OSBPL5: variants seen among roughly 807,000 people sequenced by gnomAD.
OSBPL5 encodes the protein oxysterol-binding protein-related protein 5.
In OSBPL5, 71 loss-of-function variants were observed where a neutral mutation model predicts 111.2. The observed-to-expected ratio is 0.64, with a 90% CI of 0.53 to 0.78. The LOEUF (loss-of-function observed/expected upper bound fraction) is 0.78, where lower values mean the gene tolerates loss of function less well. Ranked by LOEUF, OSBPL5 falls within the 30% of genes least tolerant of loss-of-function variation. The pLI is 0.00. For synonymous variants in OSBPL5, 549 were observed against 513.9 expected, an observed-to-expected ratio of 1.07 and a Z score of -0.93; for missense variants, 1,210 against 1,189.3, an observed-to-expected ratio of 1.02 and a Z score of -0.26.
intron 14 of OSBPL5, among the ~76,000 whole-genome samples, chr11:3,096,250 ATTG>A (rs1857248488): frequency 6.6e-6 from 1 of 152,228 alleles, no homozygotes; most frequent in South Asian, 2.1e-4. Flanking sequence ...TATGAACCAG[ATTG>A]TAGACTCGAT....
rs1846112635 is a variant in OSBPL5 at position 3,141,468 on chromosome 11, A to T, written c.-21-12299T>A. 6.6e-6 allele frequency among the ~76,000 whole-genome samples: 1 copy of T among 152,054 alleles called. No individual in the cohort carries two copies. Among genetic ancestry groups the T allele is most frequent in the Non-Finnish European group, 1.5e-5 (1 of 67,978 alleles). On this transcript the variant is annotated intron_variant, in intron 1 of 21. Transcript: ENST00000263650. The surrounding 1 kb of genome is among the most constrained non-coding windows in gnomAD (Gnocchi z 6.5). ...AAGGGCCCCCAATCTGTCTCTCAGG[A>T]AATGGGGGGGGTCTCAAACAGAAGG...
intron 7 of OSBPL5, among the ~76,000 whole-genome samples, chr11:3,117,808 C>G (rs1195672006): frequency 1.3e-5 from 2 of 152,016 alleles, no homozygotes; most frequent in African/African-American, 4.8e-5. Flanking sequence ...TTCTTAAAGC[C>G]CTGCAAACTG....
At chr11:3,101,916 A>G (rs922267855) in intron 12 of OSBPL5, among the ~76,000 whole-genome samples, 5 of 152,166 alleles carry the variant, frequency 3.3e-5, no homozygotes, top group African/African-American at 1.2e-4. Context: ...TTGCCCCAGA[A>G]GTCCCCATCG....
Position 3,116,854 on chromosome 11 carries a change from C to CAAAAAAA in OSBPL5, c.691+2686_691+2692dup, listed in dbSNP as rs371907970. Reference sequence around the variant, plus strand: ...TGGGCAACAGAGTGAGACTCCATCACAAAAAAAAAAAAAAAAAAGAAGTGT... The same window carrying CAAAAAAA: ...TGGGCAACAGAGTGAGACTCCATCACAAAAAAAAAAAAAAAAAAAAAAAAAGAAGTGT... On this transcript the variant is annotated intron_variant, in intron 7 of 21. Coordinates refer to ENST00000263650, the MANE Select transcript of OSBPL5 (RefSeq NM_020896.4). Among the ~76,000 whole-genome samples, 652 of 75,420 alleles carry CAAAAAAA rather than the reference C, an allele frequency of 8.6e-3. 20 individuals carry two copies. The highest frequency in any genetic ancestry group is 0.011 in the Non-Finnish European group (382 of 35,750). 49.5% of individuals were successfully genotyped at this position (75,420 alleles called of 152,430 possible).
chr11:3,107,950 G>A lies in OSBPL5; in HGVS notation c.692-5C>T, dbSNP rs535556267. 20 of 1,591,876 alleles carry A rather than the reference G, an allele frequency of 1.3e-5. No homozygotes were observed. Among genetic ancestry groups the A allele is most frequent in the African/African-American group, 5.6e-5 (4 of 71,674 alleles). On this transcript the variant is annotated splice_polypyrimidine_tract_variant and splice_region_variant and intron_variant, in intron 7 of 21. Coordinates refer to ENST00000263650, the MANE Select transcript of OSBPL5 (RefSeq NM_020896.4). This position sits in a 1 kb window ranked among gnomAD's most constrained non-coding sequence, Gnocchi z 6.1. ...GGGCGTCCAGCCAGCAGCGACCTGCGGGGCACACGGGATGAGCATGCCCCA... is the reference window on the plus strand; with the variant it reads ...GGGCGTCCAGCCAGCAGCGACCTGCAGGGCACACGGGATGAGCATGCCCCA...
intron 7 of OSBPL5, among the ~76,000 whole-genome samples, chr11:3,117,981 T>C (rs1370876105): frequency 2.0e-5 from 3 of 152,224 alleles, no homozygotes; most frequent in Non-Finnish European, 2.9e-5. Context: ...GCCTTCCTCC[T>C]ACTATTTTCT....
Position 3,089,886 on chromosome 11 carries a change from C to T in OSBPL5, c.2461G>A (p.Ala821Thr). ...TGGGCCTCTCGGATGGAGAGGATGG[C>T]CTCGTGCAGGGCCTGCAGCCGCCGC... The part of the protein sequence containing the change: ...EARRLQALHE[A>T]ILSIREAQQE... Residue 821 changes from alanine to threonine, a missense_variant, in exon 21 of 22, where the codon GCC becomes ACC. Coordinates refer to ENST00000263650, the MANE Select transcript of OSBPL5 (RefSeq NM_020896.4). 2 of 1,565,458 alleles carry T rather than the reference C, an allele frequency of 1.3e-6. No homozygotes were observed. The highest frequency in any genetic ancestry group is 1.7e-6 in the Non-Finnish European group (2 of 1,155,746).
At chr11:3,139,244 CA>C (rs1846038408) in intron 1 of OSBPL5, among the ~76,000 whole-genome samples, 1 of 152,174 alleles carries the variant, frequency 6.6e-6, no homozygotes, top group East Asian at 1.9e-4. Context: ...AGCAGGTGGC[CA>C]CCGGCCAGCT....
intron 15 of OSBPL5, 35 bp from the exon 16 acceptor site, chr11:3,093,870 C>G (rs113189224): frequency 1.3e-6 from 2 of 1,590,520 alleles, no homozygotes; most frequent in African/African-American, 2.7e-5. Context: ...GCCCAGTGAG[C>G]GGGGGCTGGG....
chr11:3,143,005 C>A (rs1846178299), intron 1 of OSBPL5, among the ~76,000 whole-genome samples: 1 of 77,156 alleles, frequency 1.3e-5, no homozygotes, highest in Non-Finnish European at 2.7e-5. Context: ...GAGGCAGGTG[C>A]AGAGGGGGGC....
chr11:3,163,141 C>T (rs889899027), intron 1 of OSBPL5, among the ~76,000 whole-genome samples: 9 of 152,208 alleles, frequency 5.9e-5, no homozygotes, highest in Admixed American at 1.3e-4. Context: ...CAGGCCTCTC[C>T]GGGAGAACCC....
rs138015375 is a variant in OSBPL5, at chr11:3,092,509, C to T, written c.2182G>A (p.Gly728Arg). 31 of 1,583,544 alleles carry T rather than the reference C, an allele frequency of 2.0e-5. No homozygotes were observed. The East Asian group carries it at 2.1e-4, about 11-fold the overall frequency. Residue 728 changes from glycine to arginine, a missense_variant, in exon 19 of 22, where the codon GGG (glycine) becomes AGG (arginine). By Grantham distance (125) the Gly-to-Arg change is moderately radical. Coordinates refer to ENST00000263650, the MANE Select transcript of OSBPL5 (RefSeq NM_020896.4). The surrounding 1 kb of genome is among the most constrained non-coding windows in gnomAD (Gnocchi z 5.4). Reference protein sequence around the residue: ...LKDIAQFEQDGILRTLQQEAV... With the variant: ...LKDIAQFEQDRILRTLQQEAV... The stretch of plus-strand genomic sequence containing the variant: ...TCCTGCTGCAAGGTCCGCAGGATCC[C>T]GTCTTGCTCAAACTGGGCGATGTCC...
chr11:3,145,703 G>T (rs913438021), intron 1 of OSBPL5, among the ~76,000 whole-genome samples: 1 of 152,208 alleles, frequency 6.6e-6, no homozygotes, highest in Admixed American at 6.5e-5. Context: ...CAGGGCCAGC[G>T]AGGCATTTAC....
At chr11:3,158,971 G>A (rs78271686) in intron 1 of OSBPL5, among the ~76,000 whole-genome samples, 20,125 of 152,118 alleles carry the variant, frequency 0.13, 1,471 homozygotes, top group Middle Eastern at 0.18. Context: ...TGTCAGGGAT[G>A]GGGGTGCCTT....
chr11:3,138,620 C>T (rs867471731), intron 1 of OSBPL5, among the ~76,000 whole-genome samples: 2 of 152,340 alleles, frequency 1.3e-5, no homozygotes, highest in African/African-American at 4.8e-5. Context: ...GCTCGCCTGC[C>T]GTGCTGTGGG....
rs1174292485 is a variant in OSBPL5, at chr11:3,161,264, C to T, written c.-22+3952G>A. On this transcript the variant is annotated intron_variant, in intron 1 of 21. Transcript: ENST00000263650. This position sits in a 1 kb window ranked among gnomAD's most constrained non-coding sequence, Gnocchi z 8.0. ...TGGACCAGTTAAGTCCATCTGCATT[C>T]ACCAAACACACTATTAGGCATCCCG... is the stretch of plus-strand genomic sequence containing the variant. 1 of 152,242 alleles carries T rather than the reference C, an allele frequency of 6.6e-6. No homozygotes were observed. The highest frequency in any genetic ancestry group is 1.5e-5 in the Non-Finnish European group (1 of 68,042). 9.4% of individuals were successfully genotyped at this position (152,242 alleles called of 1,614,324 possible).
chr11:3,147,605 TC>T (rs1256115782), intron 1 of OSBPL5, among the ~76,000 whole-genome samples: 1 of 152,234 alleles, frequency 6.6e-6, no homozygotes, highest in African/African-American at 2.4e-5. Context: ...TGCTCACGTG[TC>T]CTTTAAGCCA....
At chr11:3,147,626 T>C (rs1211332571) in intron 1 of OSBPL5, among the ~76,000 whole-genome samples, 1 of 152,214 alleles carries the variant, frequency 6.6e-6, no homozygotes, top group Non-Finnish European at 1.5e-5. Flanking sequence ...AGGGATGGAC[T>C]TCCAGAAATT....
chr11:3,100,249 C>A lies in OSBPL5; in HGVS notation c.1530G>T (p.Ser510=), dbSNP rs186545647. 1 of 1,613,786 alleles carries A rather than the reference C, an allele frequency of 6.2e-7. No individual in the cohort carries two copies. Among genetic ancestry groups the A allele is most frequent in the Non-Finnish European group, 8.5e-7 (1 of 1,179,958 alleles). The change falls in exon 14 of 22, where the codon TCG becomes TCT. Residue 510 remains serine (S), a synonymous_variant. Transcript: ENST00000263650. ...CTTTGCCGTCCAGCAGCGCCGACAG[C>A]GAGTTCCCTGCAGAGACAAGAGACA... is the stretch of plus-strand genomic sequence containing the variant. ...ITAKSRFYGN[S]LSALLDGKAT...
Sources: allele counts gnomAD v4.1 joint callset (sites outside exome capture counted in the v4.1 genomes callset), GRCh38; gene constraint gnomAD v4.1.1; non-coding constraint Gnocchi (gnomAD v3.1); transcripts MANE v1.5; gene names NCBI Gene and HGNC (gene_info 2026-07-23, HGNC 2026-07-21).